The following SHROOM4 variants were observed in gnomAD, a reference collection of about 807,000 sequenced individuals.
The protein encoded by SHROOM4 is protein Shroom4.
A neutral mutation model predicts 80.3 loss-of-function variants in SHROOM4; 17 were observed. The observed-to-expected ratio is 0.21, with a 90% CI of 0.14 to 0.32. The LOEUF (loss-of-function observed/expected upper bound fraction) is 0.32. Among genes scored for constraint, SHROOM4 ranks in the 10% least tolerant of loss-of-function variants. The pLI, the probability that SHROOM4 is intolerant of heterozygous loss-of-function variation, is 1.00. For synonymous variants in SHROOM4, 400 were observed against 437.5 expected, an observed-to-expected ratio of 0.91 and a Z score of 1.07; for missense variants, 993 against 1,140.3, an observed-to-expected ratio of 0.87 and a Z score of 1.86.
intron 1 of SHROOM4, among the ~76,000 whole-genome samples, chrX:50,737,222 T>C (rs1934516634): frequency 9.0e-6 from 1 of 110,790 alleles, no homozygotes; most frequent in South Asian, 3.8e-4. Flanking sequence ...TTGAAAATAG[T>C]TGAAAATCAT....
intron 1 of SHROOM4, among the ~76,000 whole-genome samples, chrX:50,697,643 T>C (rs1933406434): frequency 8.9e-6 from 1 of 112,116 alleles, no homozygotes; most frequent in Non-Finnish European, 1.9e-5. Flanking sequence ...ATTGAATATA[T>C]ATGCCTTTGT....
intron 2 of SHROOM4, among the ~76,000 whole-genome samples, chrX:50,650,638 G>A (rs945147776): frequency 3.6e-5 from 4 of 111,266 alleles, no homozygotes; most frequent in Non-Finnish European, 3.8e-5. Context: ...GATTATAGGC[G>A]TGAGCCACCG....
At chrX:50,700,076 A>G (rs1557263419) in intron 1 of SHROOM4, among the ~76,000 whole-genome samples, 1 of 111,831 alleles carries the variant, frequency 8.9e-6, no homozygotes, top group East Asian at 2.8e-4. Flanking sequence ...AAAAATGGGC[A>G]TCAACTGAAA....
rs1557254626 is a variant in SHROOM4, at chrX:50,633,389, G to C, written c.2684C>G (p.Ala895Gly). The change falls in exon 4 of 9, where the codon GCT becomes GGT. Residue 895 changes from alanine (A) to glycine (G), a missense_variant. Coordinates refer to ENST00000376020, the MANE Select transcript of SHROOM4 (RefSeq NM_020717.5). ...ATAAATGCAAGGATCATGGACTAGA[G>C]CTCCTTGAACACTGCAGGAGTAAGA... ...TCSYSCSVQG[A>G]LVHDPCIYCS... 1 of 1,211,919 alleles carries C rather than the reference G, an allele frequency of 8.3e-7. No homozygotes were observed. Among genetic ancestry groups the C allele is most frequent in the Non-Finnish European group, 1.1e-6 (1 of 895,429 alleles).
intron 2 of SHROOM4, 151 bp downstream of exon 2, chrX:50,695,635 T>G: frequency 1.7e-6 from 1 of 589,082 alleles, no homozygotes; most frequent in Admixed American, 2.7e-5. Flanking sequence ...CTTTCTCCTG[T>G]GCTATTCTGC....
chrX:50,674,615 T>G (rs1932832913), intron 2 of SHROOM4, among the ~76,000 whole-genome samples: 1 of 111,611 alleles, frequency 9.0e-6, no homozygotes, highest in Non-Finnish European at 1.9e-5. Context: ...GTAATGTAAA[T>G]GTAAAACTAT....
At chrX:50,605,242 A>C (rs1302931833) in intron 6 of SHROOM4, among the ~76,000 whole-genome samples, 1 of 111,810 alleles carries the variant, frequency 8.9e-6, no homozygotes, top group Non-Finnish European at 1.9e-5. Flanking sequence ...TAAGAAATGG[A>C]GAAGATGAAT....
intron 1 of SHROOM4, among the ~76,000 whole-genome samples, chrX:50,734,209 C>T (rs1934429615): frequency 8.9e-6 from 1 of 111,774 alleles, no homozygotes; most frequent in South Asian, 3.8e-4. Context: ...CTGAGCTATA[C>T]ATTTGAAGCA....
intron 1 of SHROOM4, among the ~76,000 whole-genome samples, chrX:50,724,558 G>A (rs1299093428): frequency 1.8e-5 from 2 of 112,930 alleles, no homozygotes; most frequent in Non-Finnish European, 3.7e-5. Context: ...TCCGCCTCCT[G>A]GGTTCAAGTG....
intron 5 of SHROOM4, among the ~76,000 whole-genome samples, chrX:50,618,359 C>T (rs1569546614): frequency 1.6e-4 from 3 of 18,797 alleles, no homozygotes; most frequent in East Asian, 1.4e-3. Context: ...TTCCTTCCTT[C>T]CTTCCTTCCT....
intron 2 of SHROOM4, among the ~76,000 whole-genome samples, chrX:50,661,130 G>A (rs1602414536): frequency 9.0e-6 from 1 of 110,651 alleles, no homozygotes; most frequent in Non-Finnish European, 1.9e-5. Flanking sequence ...TGTATTTTTC[G>A]GGTGCTTTAA....
chrX:50,736,420 C>G (rs1934493983), intron 1 of SHROOM4, among the ~76,000 whole-genome samples: 1 of 110,635 alleles, frequency 9.0e-6, no homozygotes, highest in Non-Finnish European at 1.9e-5. Context: ...CAGCATACCC[C>G]CCAACAAGCC....
Position 50,786,394 on chromosome X carries a change from C to T in SHROOM4, c.117+27508G>A, listed in dbSNP as rs570821906. The stretch of plus-strand genomic sequence containing the variant: ...AGCCAGCAGATGAAAATCCCTAGCT[C>T]CTATCTTCTCTCTGGTGAGGAAAGG... On this transcript the variant is annotated intron_variant, in intron 1 of 8. Transcript: ENST00000376020. Among the ~76,000 whole-genome samples, 38 of 111,927 alleles carry T rather than the reference C, an allele frequency of 3.4e-4. No individual in the cohort carries two copies. The South Asian group carries it at 0.014, about 41-fold the overall frequency.
intron 1 of SHROOM4, among the ~76,000 whole-genome samples, chrX:50,749,098 A>G (rs990575467): frequency 9.0e-6 from 1 of 111,398 alleles, no homozygotes. Flanking sequence ...TGTAGTCCCA[A>G]CTACTGGGGA....
intron 6 of SHROOM4, among the ~76,000 whole-genome samples, chrX:50,605,967 T>C (rs142470808): frequency 9.7e-4 from 109 of 112,247 alleles, no homozygotes; most frequent in African/African-American, 3.4e-3. Context: ...CCTGCTATGA[T>C]AGATAACAAT....
At chrX:50,725,519 G>C (rs1330513372) in intron 1 of SHROOM4, among the ~76,000 whole-genome samples, 1 of 112,450 alleles carries the variant, frequency 8.9e-6, no homozygotes, top group Non-Finnish European at 1.9e-5. Context: ...CGTGTTAAGG[G>C]AGGGACCTGG....
chrX:50,587,025 T>C lies in SHROOM4; in HGVS notation c.*9670A>G, dbSNP rs1928771061. 8.9e-6 allele frequency among the ~76,000 whole-genome samples: 1 copy of C among 112,177 alleles called. No individual in the cohort carries two copies. Among genetic ancestry groups the C allele is most frequent in the Admixed American group, 9.5e-5 (1 of 10,573 alleles). On this transcript the variant is annotated 3_prime_UTR_variant, in exon 9 of 9. Transcript: ENST00000376020. ...GCTGTACATGAGATCTCTAGATTTA[T>C]ACATCTTATGTAGCTGCAACTTTGT...
At chrX:50,680,811 C>T (rs112264467) in intron 2 of SHROOM4, among the ~76,000 whole-genome samples, 2,304 of 111,463 alleles carry the variant, frequency 0.021, 56 homozygotes, top group African/African-American at 0.071. Context: ...TCTTAGTTAA[C>T]ATTAGCATGT....
At chrX:50,792,592 C>T (rs1360416347) in intron 1 of SHROOM4, among the ~76,000 whole-genome samples, 2 of 109,343 alleles carry the variant, frequency 1.8e-5, no homozygotes, top group South Asian at 3.9e-4. Context: ...ATATCCAAAA[C>T]ATATAAGGAA....
Sources: gnomAD v4.1 joint callset for allele counts (sites outside exome capture counted in the v4.1 genomes callset) on GRCh38, gnomAD v4.1.1 for gene constraint, MANE v1.5 for transcripts, NCBI Gene and HGNC (gene_info 2026-07-23, HGNC 2026-07-21) for gene names.